CDH8: variants seen among roughly 807,000 people sequenced by gnomAD.
CDH8 encodes the protein cadherin 8.
Under a neutral mutation model 68.1 loss-of-function variants are expected in CDH8, and 17 were observed. That is an observed-to-expected ratio of 0.25 (90% CI 0.17 to 0.37). The LOEUF (loss-of-function observed/expected upper bound fraction) is 0.37, where lower values mean the gene tolerates loss of function less well. CDH8 is among the 10% of genes least tolerant of loss of function. The probability of loss-of-function intolerance (pLI) is 1.00; values close to 1 mark genes in which losing one functional copy is unlikely to be tolerated. For synonymous variants in CDH8, 372 were observed against 365.1 expected, an observed-to-expected ratio of 1.02 and a Z score of -0.21; for missense variants, 763 against 999.3, an observed-to-expected ratio of 0.76 and a Z score of 3.19.
intron 2 of CDH8, among the ~76,000 whole-genome samples, chr16:61,917,150 G>C (rs1964253156): frequency 6.6e-6 from 1 of 151,502 alleles, no homozygotes; most frequent in African/African-American, 2.4e-5. Context: ...GAGAGAACTG[G>C]GGAGAGAGGA....
chr16:61,985,066 T>G (rs1298688986), intron 2 of CDH8, among the ~76,000 whole-genome samples: 2 of 152,088 alleles, frequency 1.3e-5, no homozygotes, highest in Non-Finnish European at 2.9e-5. Context: ...TGACTCTTGA[T>G]ATGTGTTAAT....
At chr16:62,013,550 TCTGA>T (rs1901867270) in intron 2 of CDH8, among the ~76,000 whole-genome samples, 1 of 152,218 alleles carries the variant, frequency 6.6e-6, no homozygotes, top group Non-Finnish European at 1.5e-5. Flanking sequence ...TGCCAGGCAC[TCTGA>T]CTGTATCACA....
intron 8 of CDH8, among the ~76,000 whole-genome samples, chr16:61,757,549 G>A (rs941874850): frequency 6.6e-5 from 10 of 152,148 alleles, no homozygotes; most frequent in African/African-American, 2.2e-4. Context: ...TAGGGTAGCT[G>A]TTCTCTTGAA....
chr16:62,019,161 C>G (rs566311679), intron 2 of CDH8, among the ~76,000 whole-genome samples: 1 of 152,270 alleles, frequency 6.6e-6, no homozygotes, highest in Non-Finnish European at 1.5e-5. Context: ...GGTATAAGAA[C>G]GCCTTGCCTT....
chr16:61,871,815 CAAAAAAAAAAAAAAAAAA>C (rs144379377), intron 3 of CDH8, among the ~76,000 whole-genome samples: 12 of 43,346 alleles, frequency 2.8e-4, no homozygotes, highest in Admixed American at 8.7e-4. Context: ...GTTCTATATG[CAAAAAAAAAAAAAAAAAA>C]AAAAAAAAAA....
At chr16:61,908,810 A>C (rs1270438061) in intron 2 of CDH8, among the ~76,000 whole-genome samples, 1 of 152,198 alleles carries the variant, frequency 6.6e-6, no homozygotes, top group Admixed American at 6.6e-5. Flanking sequence ...CATTCTTAAT[A>C]AGTTGCAGAA....
intron 8 of CDH8, among the ~76,000 whole-genome samples, chr16:61,765,540 A>T (rs1029384544): frequency 2.0e-5 from 3 of 152,038 alleles, no homozygotes; most frequent in East Asian, 1.9e-4. Context: ...ATGTTTTGGC[A>T]TCACATAGTT....
At chr16:61,868,363 G>C (rs1227689170) in intron 3 of CDH8, among the ~76,000 whole-genome samples, 1 of 152,128 alleles carries the variant, frequency 6.6e-6, no homozygotes, top group Non-Finnish European at 1.5e-5. Flanking sequence ...TTTTCTTTTG[G>C]AAGATATTCA....
intron 3 of CDH8, among the ~76,000 whole-genome samples, chr16:61,871,068 G>A (rs573981015): frequency 1.3e-5 from 2 of 152,024 alleles, no homozygotes; most frequent in South Asian, 4.2e-4. Flanking sequence ...ATGTGTTTTT[G>A]TATAGACATT....
chr16:61,870,709 C>A (rs535672275), intron 3 of CDH8, among the ~76,000 whole-genome samples: 1 of 152,272 alleles, frequency 6.6e-6, no homozygotes, highest in Non-Finnish European at 1.5e-5. Flanking sequence ...CATGACACAG[C>A]CTCCAGAGGT....
chr16:61,962,486 C>G, intron 2 of CDH8, among the ~76,000 whole-genome samples: 1 of 152,138 alleles, frequency 6.6e-6, no homozygotes, highest in Non-Finnish European at 1.5e-5. Flanking sequence ...TCTGTACCAT[C>G]ACATGATCTG....
At chr16:61,958,978 G>A (rs927030026) in intron 2 of CDH8, among the ~76,000 whole-genome samples, 4 of 152,196 alleles carry the variant, frequency 2.6e-5, no homozygotes, top group Middle Eastern at 3.4e-3. Context: ...CACACAGCCC[G>A]ATCATAACTT....
chr16:61,671,987 T>C (rs1963806000), intron 10 of CDH8, among the ~76,000 whole-genome samples: 1 of 152,154 alleles, frequency 6.6e-6, no homozygotes, highest in Middle Eastern at 3.2e-3. Context: ...TCCCTTTTGT[T>C]GTACACTATA....
At chr16:61,768,674 T>C (rs12444208) in intron 8 of CDH8, among the ~76,000 whole-genome samples, 6,631 of 151,598 alleles carry the variant, frequency 0.044, 405 homozygotes, top group East Asian at 0.24. Context: ...AACAATGATC[T>C]GCATTTTTTG....
intron 1 of CDH8, among the ~76,000 whole-genome samples, chr16:62,033,418 T>A (rs191373297): frequency 6.6e-6 from 1 of 152,334 alleles, no homozygotes; most frequent in Admixed American, 6.5e-5. Flanking sequence ...TTCTTTTAGC[T>A]AAATTCATGC....
chr16:62,021,088 TG>T, intron 2 of CDH8, 63 bp downstream of exon 2: 1 of 1,370,716 alleles, frequency 7.3e-7, no homozygotes, highest in Non-Finnish European at 1.0e-6. Flanking sequence ...AAAAAGAGTC[TG>T]GTATTAAACA....
At chr16:61,981,681 T>TGTGTGTGC (rs747443852) in intron 2 of CDH8, among the ~76,000 whole-genome samples, 32 of 141,756 alleles carry the variant, frequency 2.3e-4, no homozygotes, top group African/African-American at 8.4e-4. Context: ...TGTGTGTGTG[T>TGTGTGTGC]GCGCGCGCGC....
chr16:61,725,324 A>C (rs1959321279), intron 9 of CDH8: 1 of 150,874 alleles, frequency 6.6e-6, no homozygotes, highest in African/African-American at 2.4e-5. Context: ...CACAGGGCAA[A>C]CCTACAAATT....
At chr16:61,713,619 G>A (rs1451560321) in intron 10 of CDH8, among the ~76,000 whole-genome samples, 1 of 151,272 alleles carries the variant, frequency 6.6e-6, no homozygotes, top group African/African-American at 2.4e-5. Context: ...GTATTTCCTG[G>A]GGAAAAAATT....
Sources: gnomAD v4.1 joint callset for allele counts (sites outside exome capture counted in the v4.1 genomes callset) on GRCh38, gnomAD v4.1.1 for gene constraint, MANE v1.5 for transcripts, NCBI Gene and HGNC (gene_info 2026-07-23, HGNC 2026-07-21) for gene names.